The following AK9 variants were observed in gnomAD, a reference collection of about 807,000 sequenced individuals.
The protein encoded by AK9 is adenylate kinase domain containing 1.
AK9 carries 191 observed loss-of-function variants against 239.6 expected under a neutral mutation model. That is an observed-to-expected ratio of 0.80 (90% CI 0.71 to 0.90). The LOEUF (loss-of-function observed/expected upper bound fraction) is 0.90, where lower values mean the gene tolerates loss of function less well. Ranked by LOEUF, AK9 falls within the 40% of genes least tolerant of loss-of-function variation. The pLI is 0.00. For missense variants in AK9, 1,995 were observed against 2,214.7 expected, an observed-to-expected ratio of 0.90 and a Z score of 1.99; for synonymous variants, 689 against 721.0, an observed-to-expected ratio of 0.96 and a Z score of 0.71.
chr6:109,593,975 C>T (rs1335623924), intron 17 of AK9, among the ~76,000 whole-genome samples: 1 of 152,194 alleles, frequency 6.6e-6, no homozygotes, highest in Non-Finnish European at 1.5e-5. Flanking sequence ...TGCCCTCTCT[C>T]ACCACTCCTA....
intron 20 of AK9, 78 bp downstream of exon 20, chr6:109,579,472 A>C (rs1239346767): frequency 1.5e-6 from 2 of 1,376,330 alleles, no homozygotes; most frequent in Non-Finnish European, 2.0e-6. Context: ...CACCCAGTCT[A>C]TAATTCACTT....
chr6:109,506,562 G>C lies in AK9; in HGVS notation c.4629-15C>G, dbSNP rs746227598. On this transcript the variant is annotated splice_polypyrimidine_tract_variant and intron_variant, in intron 34 of 40. Transcript: ENST00000424296. ...GATAAGGCAATCTAATAGGGAAACA[G>C]AGAAGGAATGGAAAAAGCTGTTAAA... 6.4e-7 allele frequency: 1 copy of C among 1,558,280 alleles called. No homozygotes were observed. The highest frequency in any genetic ancestry group is 1.2e-5 in the South Asian group (1 of 86,474).
intron 20 of AK9, among the ~76,000 whole-genome samples, chr6:109,578,131 T>C (rs1425577463): frequency 2.0e-5 from 3 of 152,004 alleles, no homozygotes; most frequent in Non-Finnish European, 4.4e-5. Flanking sequence ...AACAGGGTTT[T>C]ACCATGTTAG....
intron 17 of AK9, among the ~76,000 whole-genome samples, chr6:109,601,373 G>A (rs1791933231): frequency 6.6e-6 from 1 of 152,220 alleles, no homozygotes; most frequent in Non-Finnish European, 1.5e-5. Context: ...GAGTTTCGAT[G>A]TAGTTGAGCA....
intron 17 of AK9, among the ~76,000 whole-genome samples, chr6:109,607,376 A>G (rs75642496): frequency 0.029 from 4,382 of 152,284 alleles, 100 homozygotes; most frequent in East Asian, 0.11. Context: ...TGGAAAAAAA[A>G]AGGATGGTCA....
At chr6:109,568,424 G>T (rs1478120444) in intron 21 of AK9, among the ~76,000 whole-genome samples, 1 of 152,076 alleles carries the variant, frequency 6.6e-6, no homozygotes, top group Non-Finnish European at 1.5e-5. Context: ...GGAAGTTCTG[G>T]CCAGGGAAAT....
chr6:109,540,761 C>T (rs747089452), intron 27 of AK9, among the ~76,000 whole-genome samples: 3 of 152,150 alleles, frequency 2.0e-5, no homozygotes, highest in African/African-American at 7.2e-5. Context: ...TCAGTCTGGT[C>T]TCTCTGGCAG....
intron 8 of AK9, 56 bp from the exon 9 acceptor site, chr6:109,644,744 C>A: frequency 6.9e-7 from 1 of 1,440,910 alleles, no homozygotes. Flanking sequence ...AAACTGAATA[C>A]AAGATCAGAA....
At position 109,529,003 on chromosome 6, in the gene AK9, CT is replaced by C. The variant is rs1780891933; in HGVS notation, c.3633+7del. The C allele has an allele frequency of 1.3e-6, 2 of 1,588,110 alleles. No individual in the cohort carries two copies. The highest frequency in any genetic ancestry group is 1.7e-6 in the Non-Finnish European group (2 of 1,167,580). ...CCCTGTTTTGAAAAAAAAAACAAAA[CT>C]ACTTACCTCCCTCCTTTTTTTATCT... On this transcript the variant is annotated splice_region_variant and intron_variant, in intron 29 of 40. Coordinates refer to ENST00000424296, the MANE Select transcript of AK9 (RefSeq NM_001145128.3).
intron 33 of AK9, among the ~76,000 whole-genome samples, chr6:109,508,815 C>G (rs1476736150): frequency 6.6e-6 from 1 of 152,170 alleles, no homozygotes. Flanking sequence ...CTCCACTGGA[C>G]CAGCCCCTGG....
intron 13 of AK9, among the ~76,000 whole-genome samples, chr6:109,617,883 C>A (rs1346942100): frequency 6.6e-6 from 1 of 152,076 alleles, no homozygotes; most frequent in African/African-American, 2.4e-5. Context: ...ATTTGAATCC[C>A]AATCACTTGC....
chr6:109,583,133 C>T (rs1789067912), intron 19 of AK9, among the ~76,000 whole-genome samples: 1 of 152,130 alleles, frequency 6.6e-6, no homozygotes, highest in African/African-American at 2.4e-5. Context: ...CTGTGGTGGC[C>T]TGGAACCAAA....
rs1462357175 is a variant in AK9, at chr6:109,687,060, G to A, written c.-12+4087C>T. Among the ~76,000 whole-genome samples the A allele has an allele frequency of 2.6e-5, 4 of 152,312 alleles. No homozygotes were observed. In the East Asian group the frequency reaches 7.7e-4, roughly 29 times the overall value. ...GAAAATGAAAACAAAATTCATGGAT[G>A]AATCACAATATACTGGTAAAAGCTG... On this transcript the variant is annotated intron_variant, in intron 1 of 40. Transcript: ENST00000424296.
chr6:109,645,901 T>C (rs1201546056), intron 8 of AK9, among the ~76,000 whole-genome samples: 3 of 152,220 alleles, frequency 2.0e-5, no homozygotes, highest in African/African-American at 7.2e-5. Context: ...CTGCAATATT[T>C]GATGTTCTGT....
chr6:109,632,215 T>C (rs1295522071), intron 12 of AK9: 1 of 985,340 alleles, frequency 1.0e-6, no homozygotes, highest in Non-Finnish European at 1.2e-6. Context: ...CTCCGGCGCT[T>C]AAAAGAATGC....
chr6:109,546,348 A>G (rs1783568652), intron 25 of AK9, among the ~76,000 whole-genome samples: 1 of 152,208 alleles, frequency 6.6e-6, no homozygotes, highest in South Asian at 2.1e-4. Flanking sequence ...ACCATATATG[A>G]TTATCTTGGT....
intron 13 of AK9, among the ~76,000 whole-genome samples, chr6:109,616,259 G>T (rs1457260398): frequency 6.6e-6 from 1 of 152,116 alleles, no homozygotes; most frequent in Admixed American, 6.5e-5. Flanking sequence ...ACGAAGTAAG[G>T]TTTATTTCAG....
rs138072789 is a variant in AK9, at chr6:109,652,498, C to A, written c.759+4258G>T. Among the ~76,000 whole-genome samples, 27 of 152,196 alleles carry A rather than the reference C, an allele frequency of 1.8e-4. No homozygotes were observed. The East Asian group carries it at 4.8e-3, about 27-fold the overall frequency. On this transcript the variant is annotated intron_variant, in intron 8 of 40. Coordinates refer to ENST00000424296, the MANE Select transcript of AK9 (RefSeq NM_001145128.3). ...TTCACTTAACATTATAACTAAACTT[C>A]CCCTACACTTTTTATAAGATCACTG...
chr6:109,687,841 A>T (rs546102513), intron 1 of AK9, among the ~76,000 whole-genome samples: 1 of 152,262 alleles, frequency 6.6e-6, no homozygotes, highest in South Asian at 2.1e-4. Context: ...GCTATGCAGC[A>T]TAGAAAACTA....
Sources: gnomAD v4.1 joint callset for allele counts (sites outside exome capture counted in the v4.1 genomes callset) on GRCh38, gnomAD v4.1.1 for gene constraint, MANE v1.5 for transcripts, NCBI Gene and HGNC (gene_info 2026-07-23, HGNC 2026-07-21) for gene names.